XRN2: variants seen among roughly 807,000 people sequenced by gnomAD.
XRN2 encodes 5'-3' exoribonuclease 2.
A neutral mutation model predicts 138.5 loss-of-function variants in XRN2; 44 were observed. The observed-to-expected ratio is 0.32, with a 90% CI of 0.25 to 0.41. XRN2 has a LOEUF of 0.41. Among genes scored for constraint, XRN2 ranks in the 10% least tolerant of loss-of-function variants. XRN2 has a pLI of 1.00. For missense variants in XRN2, 937 were observed against 1,169.3 expected (o/e 0.80, Z 2.90); for synonymous variants, 354 against 369.4 (o/e 0.96, Z 0.48).
chr20:21,333,069 AAG>A (rs1305634350), intron 9 of XRN2, among the ~76,000 whole-genome samples: 1 of 152,208 alleles, frequency 6.6e-6, no homozygotes, highest in Non-Finnish European at 1.5e-5. Context: ...TAAGTGAAAA[AAG>A]AGATAAATAT....
At chr20:21,313,536 T>C (rs916270994) in intron 1 of XRN2, among the ~76,000 whole-genome samples, 2 of 152,272 alleles carry the variant, frequency 1.3e-5, no homozygotes, top group African/African-American at 4.8e-5. Context: ...GGATTAGATG[T>C]ATTAATACCA....
chr20:21,328,668 A>C lies in XRN2; in HGVS notation c.425A>C (p.Lys142Thr), dbSNP rs1357655080. 2 of 1,612,872 alleles carry C rather than the reference A, an allele frequency of 1.2e-6. No homozygotes were observed. The highest frequency in any genetic ancestry group is 1.7e-5 in the Admixed American group (1 of 59,794). ...CGAGTCAGGGAAGAAATATTGGCAA[A>C]AGGTAAAGAATATGCATCTTGAAGT... ...KQRVREEILA[K>T]GGFLPPEEIK... The change falls in exon 4 of 30, where the codon AAA becomes ACA. Residue 142 changes from lysine to threonine, a missense_variant and splice_region_variant. Lys to Thr is a moderately conservative substitution (Grantham distance 78, BLOSUM62 -1). This residue lies in a region of XRN2 where 471 missense variants were observed against 581.2 expected (regional missense o/e 0.81). Coordinates refer to ENST00000377191, the MANE Select transcript of XRN2 (RefSeq NM_012255.5).
rs1226693059 is a variant in XRN2 at position 21,389,306 on chromosome 20, C to G, written c.2821C>G (p.Pro941Ala). The change falls in exon 30 of 30, where the codon CCA (proline) becomes GCA (alanine). Residue 941 changes from proline (P) to alanine (A), a missense_variant. Coordinates refer to ENST00000377191, the MANE Select transcript of XRN2 (RefSeq NM_012255.5). ...YPREGRKYPL[P>A]PPSGRYNWN is the part of the protein sequence containing the mutation. ...CAGAGAAGGAAGGAAATACCCTTTG[C>G]CACCACCCTCAGGAAGATACAATTG... 10 of 1,613,102 alleles carry G rather than the reference C, an allele frequency of 6.2e-6. No homozygotes were observed. Among genetic ancestry groups the G allele is most frequent in the Non-Finnish European group, 8.5e-6 (10 of 1,179,560 alleles).
rs1166931323 is a variant in XRN2 at position 21,320,287 on chromosome 20, T to TTATG, written c.76-5989_76-5988insGTAT. On this transcript the variant is annotated intron_variant, in intron 1 of 29. Transcript: ENST00000377191. ...ATCATTTATTTATTTATGTATTTAT[T>TTATG]TATTTATGTATTTATTTATTTATTT... 1.4e-3 allele frequency among the ~76,000 whole-genome samples: 201 copies of TTATG among 147,344 alleles called. 1 individual carries two copies. The highest frequency in any genetic ancestry group is 0.012 in the South Asian group (59 of 4,742).
intron 24 of XRN2, among the ~76,000 whole-genome samples, chr20:21,361,852 A>G (rs1310451411): frequency 2.0e-5 from 3 of 152,204 alleles, no homozygotes; most frequent in East Asian, 1.9e-4. Context: ...TTCTAAAAAC[A>G]TAGTAGATCT....
chr20:21,337,425 G>A (rs1484908765), intron 13 of XRN2, among the ~76,000 whole-genome samples: 1 of 152,218 alleles, frequency 6.6e-6, no homozygotes, highest in African/African-American at 2.4e-5. Flanking sequence ...CTCATGGAAA[G>A]ACTGGGAGGT....
chr20:21,381,912 A>G, intron 27 of XRN2, 82 bp from the exon 28 acceptor site: 1 of 1,162,250 alleles, frequency 8.6e-7, no homozygotes, highest in South Asian at 1.9e-5. Context: ...TTTTTTCAAG[A>G]ACTTTTAATT....
chr20:21,379,025 CAATT>C (rs1471996361), intron 27 of XRN2, among the ~76,000 whole-genome samples: 3 of 152,198 alleles, frequency 2.0e-5, no homozygotes, highest in African/African-American at 7.2e-5. Flanking sequence ...GTAAACTTGT[CAATT>C]AGCCACGTTG....
At position 21,346,428 on chromosome 20, in the gene XRN2, G is replaced by A; in HGVS notation, c.1543G>A (p.Gly515Ser). The change falls in exon 17 of 30, where the codon GGC (glycine) becomes AGC (serine). Residue 515 changes from glycine (G) to serine (S), a missense_variant. Physicochemically the swap from Gly to Ser is moderately conservative, Grantham distance 56. This residue lies in a region of XRN2 where 471 missense variants were observed against 581.2 expected (regional missense o/e 0.81). Coordinates refer to ENST00000377191, the MANE Select transcript of XRN2 (RefSeq NM_012255.5). Reference protein sequence around the residue: ...PEDNVRLWEAGWKQRYYKNKF... With the variant: ...PEDNVRLWEASWKQRYYKNKF... ...GCCTGGTTTTAGGTTATGGGAAGCT[G>A]GCTGGAAGCAGCGGTACTACAAGAA... The A allele has an allele frequency of 6.2e-7, 1 of 1,614,078 alleles. No homozygotes were observed. The highest frequency in any genetic ancestry group is 8.5e-7 in the Non-Finnish European group (1 of 1,179,984).
chr20:21,330,772 C>A, intron 6 of XRN2, 67 bp downstream of exon 6: 1 of 1,412,428 alleles, frequency 7.1e-7, no homozygotes, highest in Admixed American at 1.8e-5. Flanking sequence ...TTTGATATGA[C>A]TGACATTATT....
intron 27 of XRN2, among the ~76,000 whole-genome samples, chr20:21,374,779 G>A (rs1179512624): frequency 3.3e-5 from 5 of 151,890 alleles, no homozygotes; most frequent in African/African-American, 1.2e-4. Context: ...ACGTTCTGGG[G>A]TAGGGTTTTT....
intron 13 of XRN2, 49 bp from the exon 14 acceptor site, chr20:21,338,995 A>G: frequency 6.4e-7 from 1 of 1,553,372 alleles, no homozygotes; most frequent in East Asian, 2.3e-5. Flanking sequence ...CTTAACTCTG[A>G]CATTTTTGTG....
At chr20:21,383,522 C>CCTAA (rs2038907774) in intron 28 of XRN2, among the ~76,000 whole-genome samples, 1 of 152,166 alleles carries the variant, frequency 6.6e-6, no homozygotes, top group South Asian at 2.1e-4. Context: ...CAGCAGCTTA[C>CCTAA]CTAAGGTCAC....
Position 21,333,632 on chromosome 20 carries a change from A to C in XRN2, c.933+14A>C. The C allele has an allele frequency of 6.2e-7, 1 of 1,613,732 alleles. No individual in the cohort carries two copies. Among genetic ancestry groups the C allele is most frequent in the Non-Finnish European group, 8.5e-7 (1 of 1,179,626 alleles). Reference sequence around the variant, plus strand: ...GTTCTTCGTGAGGTATGTAGCAATAATCATTGAAATCAGCACTCTAAAGCA... The same window carrying C: ...GTTCTTCGTGAGGTATGTAGCAATACTCATTGAAATCAGCACTCTAAAGCA... On this transcript the variant is annotated intron_variant, in intron 10 of 29. Transcript: ENST00000377191.
At chr20:21,326,201 CA>C in intron 1 of XRN2, 77 bp from the exon 2 acceptor site, 1 of 1,413,486 alleles carries the variant, frequency 7.1e-7, no homozygotes, top group Non-Finnish European at 9.6e-7. Context: ...AAATGAAACA[CA>C]AGTTCATATT....
At chr20:21,332,466 C>T (rs201524187) in intron 9 of XRN2, 26 bp downstream of exon 9, 47 of 1,471,028 alleles carry the variant, frequency 3.2e-5, no homozygotes, top group Middle Eastern at 1.8e-4. Flanking sequence ...TGGTAGTTGC[C>T]TCATTAAAAA....
chr20:21,331,495 T>A, intron 6 of XRN2, 66 bp from the exon 7 acceptor site: 2 of 1,353,868 alleles, frequency 1.5e-6, no homozygotes, highest in Non-Finnish European at 2.1e-6. Context: ...AGACATATAA[T>A]TCTTTTGATT....
chr20:21,326,202 A>T, intron 1 of XRN2, 77 bp from the exon 2 acceptor site: 1 of 1,420,278 alleles, frequency 7.0e-7, no homozygotes, highest in Non-Finnish European at 9.6e-7. Flanking sequence ...AATGAAACAC[A>T]AGTTCATATT....
intron 16 of XRN2, among the ~76,000 whole-genome samples, chr20:21,344,583 C>T (rs896241290): frequency 1.3e-5 from 2 of 152,172 alleles, no homozygotes; most frequent in Admixed American, 6.5e-5. Context: ...TTCAGTTATA[C>T]TTAGACACTT....
Sources: gnomAD v4.1 joint callset for allele counts (sites outside exome capture counted in the v4.1 genomes callset) on GRCh38, gnomAD v4.1.1 for gene constraint, gnomAD v4.1.1 regional missense constraint, MANE v1.5 for transcripts, NCBI Gene and HGNC (gene_info 2026-07-23, HGNC 2026-07-21) for gene names.